MESD: variants seen among roughly 807,000 people sequenced by gnomAD.
MESD encodes the protein LRP chaperone MESD.
Under a neutral mutation model 12.9 loss-of-function variants are expected in MESD, and 7 were observed. That is an observed-to-expected ratio of 0.54 (90% CI 0.31 to 1.02). The LOEUF (loss-of-function observed/expected upper bound fraction) is 1.02. Among genes scored for constraint, MESD ranks in the 50% least tolerant of loss-of-function variants. The pLI is 0.05. For missense variants in MESD, 342 were observed against 296.7 expected (o/e 1.15, Z -1.12); for synonymous variants, 126 against 115.6 (o/e 1.09, Z -0.58).
At chr15:80,986,256 G>C (rs1322398850) in intron 1 of MESD, among the ~76,000 whole-genome samples, 1 of 152,186 alleles carries the variant, frequency 6.6e-6, no homozygotes, top group South Asian at 2.1e-4. Flanking sequence ...GGTTACTAGA[G>C]GCTGGGAAGT....
At chr15:80,965,217 A>T (rs1037312396) in intron 3 of MESD, among the ~76,000 whole-genome samples, 1 of 152,254 alleles carries the variant, frequency 6.6e-6, no homozygotes, top group Non-Finnish European at 1.5e-5. Flanking sequence ...GTTCATGATC[A>T]CTGGTCATCA....
At chr15:80,974,067 C>G (rs533452395), downstream of MESD, among the ~76,000 whole-genome samples, 2 of 152,254 alleles carry the variant, frequency 1.3e-5, no homozygotes, top group African/African-American at 4.8e-5. Context: ...TGGTTCCCCC[C>G]CCCACTGGGG....
Position 80,982,336 on chromosome 15 carries a change from T to C in MESD, c.214-154A>G, listed in dbSNP as rs577909069. ...AGGGGTTTTCTTCCTCTTCTTAACT[T>C]TCAAGATAGTCTAAGTTTCAGGCAG... On this transcript the variant is annotated intron_variant, in intron 1 of 2. Transcript: ENST00000261758. 2.6e-5 allele frequency among the ~76,000 whole-genome samples: 4 copies of C among 152,270 alleles called. No homozygotes were observed. In the South Asian group the frequency reaches 8.3e-4, roughly 32 times the overall value.
chr15:80,983,151 G>A (rs550356865), intron 1 of MESD, among the ~76,000 whole-genome samples: 1 of 151,932 alleles, frequency 6.6e-6, no homozygotes, highest in African/African-American at 2.4e-5. Flanking sequence ...GCTGAGACAC[G>A]AGGATCACTT....
At chr15:80,956,300 G>A (rs1244016206) in intron 3 of MESD, among the ~76,000 whole-genome samples, 9 of 152,172 alleles carry the variant, frequency 5.9e-5, no homozygotes, top group Non-Finnish European at 1.2e-4. Context: ...TGTGTTGGAC[G>A]GAGAGCTCTG....
chr15:80,950,954 G>C (rs1403596668), intron 4 of MESD: 1 of 152,646 alleles, frequency 6.6e-6, no homozygotes, highest in Non-Finnish European at 1.5e-5. Context: ...CATTCCCCAG[G>C]TGGGAGCCAA....
intron 3 of MESD, among the ~76,000 whole-genome samples, chr15:80,963,094 T>C (rs551850114): frequency 2.0e-5 from 3 of 151,912 alleles, no homozygotes; most frequent in African/African-American, 7.2e-5. Flanking sequence ...ACAGGACTAA[T>C]AAAGAAAAGA....
At chr15:80,973,043 A>G (rs979626029), downstream of MESD, among the ~76,000 whole-genome samples, 2 of 152,066 alleles carry the variant, frequency 1.3e-5, no homozygotes, top group Non-Finnish European at 2.9e-5. Context: ...AAACAAAAAA[A>G]ACAAAAACCT....
At chr15:80,987,090 A>T (rs532994367) in intron 1 of MESD, among the ~76,000 whole-genome samples, 3 of 152,334 alleles carry the variant, frequency 2.0e-5, no homozygotes, top group African/African-American at 7.2e-5. Context: ...CATAATGTAA[A>T]ATGTAATAAC....
In MESD at chr15:80,979,186, C is replaced by T. The variant is rs1902502932; in HGVS notation, c.*33G>A. The T allele has an allele frequency of 6.3e-7, 1 of 1,595,844 alleles. No individual in the cohort carries two copies. Among genetic ancestry groups the T allele is most frequent in the Admixed American group, 1.7e-5 (1 of 58,550 alleles). On this transcript the variant is annotated 3_prime_UTR_variant, in exon 3 of 3. Coordinates refer to ENST00000261758, the MANE Select transcript of MESD (RefSeq NM_015154.3). Reference sequence around the variant, plus strand: ...CTGGGCAAAGAGCTCTCCACGTCCACCTGTCCCCCCACAGCGCGTCACTGC... The same window carrying T: ...CTGGGCAAAGAGCTCTCCACGTCCATCTGTCCCCCCACAGCGCGTCACTGC...
At chr15:80,957,449 A>G (rs1200111258) in intron 3 of MESD, among the ~76,000 whole-genome samples, 1 of 152,152 alleles carries the variant, frequency 6.6e-6, no homozygotes, top group Non-Finnish European at 1.5e-5. Context: ...ATAAAATTAA[A>G]TTATTTGTTG....
At chr15:80,973,133 G>A (rs1040320957), downstream of MESD, among the ~76,000 whole-genome samples, 10 of 152,294 alleles carry the variant, frequency 6.6e-5, no homozygotes, top group South Asian at 2.1e-4. Context: ...TGAATATAAC[G>A]CTCAGATGTA....
rs1042594042 is a variant in MESD at position 80,989,686 on chromosome 15, C to A, written c.106G>T (p.Gly36Cys). Residue 36 changes from glycine to cysteine, a missense_variant, in exon 1 of 3, where the codon GGC (glycine) becomes TGC (cysteine). By Grantham distance (159) the Gly-to-Cys change is radical. Transcript: ENST00000261758. ...GACTCGTCGGGCGTCCCGGGCGAGC[C>A]TTCGGCCGCGCAGGACCCAGGCGGT... ...LPPPGSCAAE[G>C]SPGTPDESTP... 1 of 1,612,950 alleles carries A rather than the reference C, an allele frequency of 6.2e-7. No individual in the cohort carries two copies. Among genetic ancestry groups the A allele is most frequent in the South Asian group, 1.1e-5 (1 of 91,082 alleles).
At chr15:80,957,365 A>G (rs1243560038) in intron 3 of MESD, among the ~76,000 whole-genome samples, 3 of 152,222 alleles carry the variant, frequency 2.0e-5, no homozygotes, top group Admixed American at 6.5e-5. Flanking sequence ...GTCCAGCCAC[A>G]ACAGCAGTAA....
intron 3 of MESD, among the ~76,000 whole-genome samples, chr15:80,954,550 C>A (rs536297954): frequency 1.3e-5 from 2 of 152,122 alleles, no homozygotes; most frequent in African/African-American, 4.8e-5. Flanking sequence ...CCTGGCAGTG[C>A]CCTCATGTCC....
downstream of MESD, among the ~76,000 whole-genome samples, chr15:80,972,066 A>G (rs987260603): frequency 6.6e-6 from 1 of 152,202 alleles, no homozygotes; most frequent in East Asian, 1.9e-4. Flanking sequence ...AGAAAAAAAT[A>G]GAGAGCACAG....
chr15:80,948,297 G>A (rs1469319770), exon 5 of MESD: 3 of 232,298 alleles, frequency 1.3e-5, no homozygotes, highest in East Asian at 9.6e-5. Context: ...TTCTAATCTG[G>A]GGTGCACCAT....
rs1262268505 is a variant in MESD at position 80,975,882 on chromosome 15, T to G, written c.*3337A>C. ...TATTTGGGAGGCTGTGGTGGGAAGA[T>G]CAATTGAGCCGGTAGGTAGAGACTT... On this transcript the variant is annotated 3_prime_UTR_variant, in exon 3 of 3. Transcript: ENST00000261758. The G allele has an allele frequency of 6.6e-6, 1 of 152,120 alleles. No individual in the cohort carries two copies. The highest frequency in any genetic ancestry group is 1.5e-5 in the Non-Finnish European group (1 of 68,028). The allele number at this position is 152,120 out of a possible 1,614,324, so 9.4% of individuals were successfully genotyped here.
At chr15:80,952,814 T>A (rs1021004066) in intron 3 of MESD, 1 of 365,546 alleles carries the variant, frequency 2.7e-6, no homozygotes, top group African/African-American at 2.1e-5. Context: ...TCAGGAAACT[T>A]TGCCAGGAGA....
Sources: allele counts gnomAD v4.1 joint callset (sites outside exome capture counted in the v4.1 genomes callset), GRCh38; gene constraint gnomAD v4.1.1; transcripts MANE v1.5; gene names NCBI Gene and HGNC (gene_info 2026-07-23, HGNC 2026-07-21).